The following AZU1 variants were observed in gnomAD, a reference collection of about 807,000 sequenced individuals.
AZU1 encodes azurocidin 1, also known as azurocidin.
Under a neutral mutation model 17.8 loss-of-function variants are expected in AZU1, and 21 were observed. The observed-to-expected ratio is 1.18, with a 90% CI of 0.84 to 1.70. AZU1 has a LOEUF of 1.70. Ranked by LOEUF, AZU1 falls within the 40% of genes most tolerant of loss-of-function variation. AZU1 has a pLI of 0.00. For synonymous variants in AZU1, 178 were observed against 155.2 expected, an observed-to-expected ratio of 1.15 and a Z score of -1.09; for missense variants, 379 against 362.9, an observed-to-expected ratio of 1.04 and a Z score of -0.36.
At chr19:831,541 C>T in intron 4 of AZU1, 175 bp from the exon 5 acceptor site, 1 of 748,142 alleles carries the variant, frequency 1.3e-6, no homozygotes. Context: ...CAGAAAGCAA[C>T]TGATCCCAAA....
Position 831,166 on chromosome 19 carries a change from C to T in AZU1, c.594+225C>T, listed in dbSNP as rs533713292. ...GATCTCGGCGGCTCACTGCAACCTCCGCCTCCTGGGTTCAAGCGATTCTCC... is the reference window on the plus strand; with the variant it reads ...GATCTCGGCGGCTCACTGCAACCTCTGCCTCCTGGGTTCAAGCGATTCTCC... On this transcript the variant is annotated intron_variant, in intron 4 of 4. Transcript: ENST00000233997. 4.3e-4 allele frequency: 222 copies of T among 511,430 alleles called. 1 individual carries two copies. Among genetic ancestry groups the T allele is most frequent in the African/African-American group, 4.1e-3 (209 of 50,848 alleles). 31.7% of individuals were successfully genotyped at this position (511,430 alleles called of 1,614,324 possible).
chr19:830,645 AG>A (rs1332950562), intron 3 of AZU1, 62 bp from the exon 4 acceptor site: 2 of 1,380,128 alleles, frequency 1.4e-6, no homozygotes, highest in African/African-American at 1.5e-5. Flanking sequence ...TTCTGCTCCC[AG>A]GGGTCCCCAT....
intron 2 of AZU1, among the ~76,000 whole-genome samples, chr19:829,112 G>C (rs375795978): frequency 9.8e-4 from 75 of 76,714 alleles, no homozygotes; most frequent in Non-Finnish European, 1.0e-3. Flanking sequence ...AGGGAAGGGG[G>C]TCAGATGGAG....
chr19:829,308 G>GGGTC (rs2035256413), intron 2 of AZU1, among the ~76,000 whole-genome samples: 1 of 149,658 alleles, frequency 6.7e-6, no homozygotes, highest in African/African-American at 2.4e-5. Flanking sequence ...GAAGGGAAGG[G>GGGTC]ACTCAGATGG....
chr19:831,873 C>T lies in AZU1; in HGVS notation c.752C>T (p.Ala251Val), dbSNP rs1298440883. ...CTCAACAACCCGGGACCGGGGCCAG[C>T]CTAGGGGGGCCTGTGACCTCCCATG... is the stretch of plus-strand genomic sequence containing the variant. The part of the protein sequence containing the change: ...GVLNNPGPGP[A>V] The change falls in exon 5 of 5, where the codon GCC becomes GTC. Residue 251 changes from alanine to valine, a missense_variant. Coordinates refer to ENST00000233997, the MANE Select transcript of AZU1 (RefSeq NM_001700.5). The T allele has an allele frequency of 1.2e-6, 2 of 1,610,576 alleles. No homozygotes were observed. The highest frequency in any genetic ancestry group is 1.7e-6 in the Non-Finnish European group (2 of 1,178,690).
chr19:829,524 T>C (rs537349820), intron 2 of AZU1, 38 bp from the exon 3 acceptor site: 1 of 1,604,724 alleles, frequency 6.2e-7, no homozygotes, highest in African/African-American at 1.3e-5. Flanking sequence ...GGCCCCAGCC[T>C]GGTGTCCTCC....
intron 3 of AZU1, 111 bp from the exon 4 acceptor site, chr19:830,597 G>T (rs2035274929): frequency 2.0e-6 from 2 of 983,264 alleles, no homozygotes; most frequent in East Asian, 2.7e-5. Flanking sequence ...GGAATTAAAC[G>T]CAAACCACTT....
At position 828,343 on chromosome 19, in the gene AZU1, CATGCCCGCTTCGTG is replaced by C. The variant is rs754875458; in HGVS notation, c.176_189del (p.Ala59AspfsTer14). The C allele has an allele frequency of 6.4e-4, 1,027 of 1,604,606 alleles. 1 individual carries two copies. The highest frequency in any genetic ancestry group is 8.0e-4 in the Non-Finnish European group (938 of 1,175,114). On this transcript the variant is annotated frameshift_variant, in exon 2 of 5. Coordinates refer to ENST00000233997, the MANE Select transcript of AZU1 (RefSeq NM_001700.5). LOFTEE classifies it high-confidence loss of function. ...GCACTTCTGCGGGGGTGCCCTGATC[CATGCCCGCTTCGTG>C]ATGACCGCGGCCAGCTGCTTCCAAA...
intron 3 of AZU1, among the ~76,000 whole-genome samples, chr19:830,228 C>G (rs1278495657): frequency 6.6e-6 from 1 of 152,206 alleles, no homozygotes; most frequent in East Asian, 1.9e-4. Context: ...CCCCTGCACT[C>G]CAGCCTGGGT....
chr19:830,036 C>T (rs572791997), intron 3 of AZU1, among the ~76,000 whole-genome samples: 59 of 150,098 alleles, frequency 3.9e-4, no homozygotes, highest in Non-Finnish European at 7.5e-4. Context: ...CCGAGGTGGG[C>T]GGATCACGAG....
chr19:828,170 C>T (rs909565585), intron 1 of AZU1, 60 bp from the exon 2 acceptor site: 88 of 1,516,490 alleles, frequency 5.8e-5, no homozygotes, highest in South Asian at 1.3e-4. Flanking sequence ...CAGCTTCACA[C>T]GCCCTCCCGG....
intron 4 of AZU1, chr19:831,415 G>C (rs917544043): frequency 9.6e-6 from 4 of 418,758 alleles, no homozygotes; most frequent in Non-Finnish European, 1.7e-5. Context: ...TGTGAGCCAC[G>C]TCTGTGCTGG....
At position 829,654 on chromosome 19, in the gene AZU1, G is replaced by A; in HGVS notation, c.308G>A (p.Ser103Asn). 2 of 1,613,476 alleles carry A rather than the reference G, an allele frequency of 1.2e-6. No individual in the cohort carries two copies. The highest frequency in any genetic ancestry group is 1.7e-6 in the Non-Finnish European group (2 of 1,179,972). The change falls in exon 3 of 5, where the codon AGC (serine) becomes AAC (asparagine). Residue 103 changes from serine (S) to asparagine (N), a missense_variant. Transcript: ENST00000233997. ...CAGACGTTTTCCATCAGCAGCATGA[G>A]CGAGAATGGCTACGACCCCCAGCAG... ...SRQTFSISSM[S>N]ENGYDPQQNL...
intron 1 of AZU1, 82 bp from the exon 2 acceptor site, chr19:828,148 G>C: frequency 2.0e-6 from 3 of 1,475,324 alleles, no homozygotes; most frequent in Non-Finnish European, 1.8e-6. Context: ...TGGGTGGATA[G>C]AGCTGAGGCT....
intron 2 of AZU1, 36 bp from the exon 3 acceptor site, chr19:829,526 G>T: frequency 6.2e-7 from 1 of 1,605,270 alleles, no homozygotes. Flanking sequence ...CCCCAGCCTG[G>T]TGTCCTCCCT....
chr19:830,835 T>C lies in AZU1; in HGVS notation c.488T>C (p.Leu163Pro). 6.2e-7 allele frequency: 1 copy of C among 1,608,086 alleles called. No homozygotes were observed. The highest frequency in any genetic ancestry group is 8.5e-7 in the Non-Finnish European group (1 of 1,179,938). The stretch of plus-strand genomic sequence containing the variant: ...GGGAGCCAGCGCAGTGGGGGGCGTC[T>C]CTCCCGTTTTCCCAGGTTTGTCAAC... Reference protein sequence around the residue: ...GWGSQRSGGRLSRFPRFVNVT... With the variant: ...GWGSQRSGGRPSRFPRFVNVT... The change falls in exon 4 of 5, where the codon CTC (leucine) becomes CCC (proline). Residue 163 changes from leucine (L) to proline (P), a missense_variant. Physicochemically the swap from Leu to Pro is moderately conservative, Grantham distance 98 (BLOSUM62 -3). Coordinates refer to ENST00000233997, the MANE Select transcript of AZU1 (RefSeq NM_001700.5).
rs2035234022 is a variant in AZU1, at chr19:827,851, C to G, written c.5C>G (p.Thr2Ser). M[T>S]RLTVLALLAG... is the part of the protein sequence containing the mutation. ...TAGCCACAGACCTGCCCCGCCATGA[C>G]CCGGCTGACAGTCCTGGCCCTGCTG... The change falls in exon 1 of 5, where the codon ACC (threonine) becomes AGC (serine). Residue 2 changes from threonine to serine, a missense_variant. Transcript: ENST00000233997. 3 of 1,536,590 alleles carry G rather than the reference C, an allele frequency of 2.0e-6. No individual in the cohort carries two copies. Among genetic ancestry groups the G allele is most frequent in the South Asian group, 2.4e-5 (2 of 84,082 alleles).
chr19:829,936 ATGTGTGTG>A lies in AZU1; in HGVS notation c.360+262_360+269del, dbSNP rs59995493. Among the ~76,000 whole-genome samples, 222 of 137,860 alleles carry A rather than the reference ATGTGTGTG, an allele frequency of 1.6e-3. 2 individuals carry two copies. The highest frequency in any genetic ancestry group is 4.6e-3 in the African/African-American group (165 of 35,724). The allele number at this position is 137,860 out of a possible 152,430, so 90.4% of individuals were successfully genotyped here. On this transcript the variant is annotated intron_variant, in intron 3 of 4. Transcript: ENST00000233997. ...AAACTCAGTCTCTACAAAAATATAT[ATGTGTGTG>A]TGTGTGTGTGTGTGTGTGTGTGTGT...
intron 2 of AZU1, among the ~76,000 whole-genome samples, chr19:828,836 G>A (rs541126839): frequency 4.8e-5 from 7 of 144,448 alleles, no homozygotes; most frequent in African/African-American, 1.8e-4. Context: ...GAGGTGCAGA[G>A]AAGGGAAGGG....
Sources: allele counts gnomAD v4.1 joint callset (sites outside exome capture counted in the v4.1 genomes callset), GRCh38; gene constraint gnomAD v4.1.1; transcripts MANE v1.5; gene names NCBI Gene and HGNC (gene_info 2026-07-23, HGNC 2026-07-21).